ASB14: variants seen among roughly 807,000 people sequenced by gnomAD.
ASB14 encodes ankyrin repeat and SOCS box containing 14, also known as ankyrin repeat and SOCS box protein 14.
Under a neutral mutation model 55.6 loss-of-function variants are expected in ASB14, and 63 were observed. The observed-to-expected ratio is 1.13, with a 90% CI of 0.92 to 1.40. ASB14 has a LOEUF of 1.40. ASB14 is among the 40% of genes most tolerant of loss of function. ASB14 has a pLI of 0.00. For synonymous variants in ASB14, 256 were observed against 259.9 expected, an observed-to-expected ratio of 0.98 and a Z score of 0.15; for missense variants, 724 against 710.4, an observed-to-expected ratio of 1.02 and a Z score of -0.22.
intron 5 of ASB14, among the ~76,000 whole-genome samples, chr3:57,286,873 A>G (rs530966380): frequency 2.0e-5 from 3 of 152,306 alleles, no homozygotes; most frequent in Non-Finnish European, 2.9e-5. Context: ...CTCTTGGATC[A>G]TCCAACTAAT....
At chr3:57,283,846 AC>A (rs2061057887) in intron 5 of ASB14, among the ~76,000 whole-genome samples, 1 of 146,770 alleles carries the variant, frequency 6.8e-6, no homozygotes, top group Non-Finnish European at 1.5e-5. Flanking sequence ...TAAAAAAAAA[AC>A]AAAAACAAAA....
At chr3:57,273,456 G>A (rs1559518772) in intron 10 of ASB14, 1 of 152,554 alleles carries the variant, frequency 6.6e-6, no homozygotes, top group African/African-American at 2.4e-5. Context: ...TTTTTGTACA[G>A]TGTTTTTTAA....
At chr3:57,289,271 C>T (rs768404360) in intron 2 of ASB14, 148 bp from the exon 3 acceptor site, 2 of 608,870 alleles carry the variant, frequency 3.3e-6, no homozygotes, top group Non-Finnish European at 5.7e-6. Flanking sequence ...AATAGAAATA[C>T]TTCTATTTGT....
intron 10 of ASB14, among the ~76,000 whole-genome samples, chr3:57,273,714 G>C (rs2107618175): frequency 6.6e-6 from 1 of 152,224 alleles, no homozygotes; most frequent in East Asian, 1.9e-4. Flanking sequence ...ACGTATACTT[G>C]CTACTGTTTG....
At chr3:57,289,687 C>CTTT (rs34419265) in intron 2 of ASB14, among the ~76,000 whole-genome samples, 5,213 of 100,224 alleles carry the variant, frequency 0.052, 722 homozygotes, top group East Asian at 0.33. Context: ...ACCTTCCATT[C>CTTT]TTTTTTTTTT....
chr3:57,279,273 T>A lies in ASB14; in HGVS notation c.888-353A>T, dbSNP rs201811281. 4.3e-3 allele frequency among the ~76,000 whole-genome samples: 451 copies of A among 105,558 alleles called. 4 individuals carry two copies. The highest frequency in any genetic ancestry group is 0.03 in the East Asian group (44 of 1,446). The allele number at this position is 105,558 out of a possible 152,430, so 69.3% of individuals were successfully genotyped here. The stretch of plus-strand genomic sequence containing the variant: ...TTGGTCAAGAGTTTTTCTTTTTTTT[T>A]TTTTTTTTTTTTTTTTTTTGAGACG... On this transcript the variant is annotated intron_variant, in intron 7 of 10. Transcript: ENST00000487349.
In ASB14 at chr3:57,292,019, G is replaced by A; in HGVS notation, c.15C>T (p.Thr5=). ...AGTCTTCATCTATGTCTTCATCGCTGGTGTAATTATCCATGTGAAACGTGG... is the reference window on the plus strand; with the variant it reads ...AGTCTTCATCTATGTCTTCATCGCTAGTGTAATTATCCATGTGAAACGTGG... The part of the protein sequence containing the change: MDNY[T]SDEDIDEDFD... Residue 5 remains threonine, a synonymous_variant, in exon 2 of 11, where the codon ACC becomes ACT. Transcript: ENST00000487349. The A allele has an allele frequency of 2.0e-6, 3 of 1,533,132 alleles. No homozygotes were observed. The highest frequency in any genetic ancestry group is 2.4e-5 in the South Asian group (2 of 83,884). The allele number at this position is 1,533,132 out of a possible 1,614,324, so 95.0% of individuals were successfully genotyped here.
intron 5 of ASB14, among the ~76,000 whole-genome samples, chr3:57,286,055 T>G (rs539693352): frequency 6.6e-6 from 1 of 152,298 alleles, no homozygotes; most frequent in South Asian, 2.1e-4. Flanking sequence ...GATTTGAGAG[T>G]TGGAGCAAAT....
intron 7 of ASB14, among the ~76,000 whole-genome samples, chr3:57,279,930 G>T (rs2061025222): frequency 6.6e-6 from 1 of 152,010 alleles, no homozygotes; most frequent in African/African-American, 2.4e-5. Context: ...GGGGAACCGT[G>T]TTAATTACTC....
intron 10 of ASB14, among the ~76,000 whole-genome samples, chr3:57,275,713 CAT>C (rs1181022183): frequency 6.6e-6 from 1 of 152,104 alleles, no homozygotes; most frequent in Non-Finnish European, 1.5e-5. Flanking sequence ...ATTGTGCAAA[CAT>C]AGAATCACTT....
intron 6 of ASB14, among the ~76,000 whole-genome samples, chr3:57,281,631 TC>T (rs1239529836): frequency 6.6e-6 from 1 of 152,160 alleles, no homozygotes; most frequent in African/African-American, 2.4e-5. Context: ...ATGTGCTGGT[TC>T]CATTATGTGT....
At position 57,276,573 on chromosome 3, in the gene ASB14, C is replaced by G; in HGVS notation, c.1741G>C (p.Gly581Arg). The G allele has an allele frequency of 6.2e-7, 1 of 1,608,500 alleles. No individual in the cohort carries two copies. The highest frequency in any genetic ancestry group is 1.1e-5 in the South Asian group (1 of 89,352). The change falls in exon 10 of 11, where the codon GGA becomes CGA. Residue 581 changes from glycine to arginine, a missense_variant. Gly to Arg is a moderately radical substitution (Grantham distance 125, BLOSUM62 -2). Transcript: ENST00000487349. The part of the protein sequence containing the change: ...LYKEYDLYGQ[G>R]IFTGTW ...GATTACCAGGTTCCTGTAAAAATTC[C>G]TTGTCCATAAAGGTCGTATTCTTTG...
At chr3:57,275,883 CATT>C (rs2060981674) in intron 10 of ASB14, among the ~76,000 whole-genome samples, 1 of 152,072 alleles carries the variant, frequency 6.6e-6, no homozygotes, top group Non-Finnish European at 1.5e-5. Context: ...TAAAAATAAG[CATT>C]ATAATCTTTA....
At chr3:57,289,913 C>T (rs1014837904) in intron 2 of ASB14, among the ~76,000 whole-genome samples, 4 of 151,974 alleles carry the variant, frequency 2.6e-5, no homozygotes, top group Admixed American at 6.6e-5. Flanking sequence ...TCCCAAAGTG[C>T]GGGGATTACA....
Position 57,292,098 on chromosome 3 carries a change from A to G in ASB14, c.-65T>C, listed in dbSNP as rs2061137106. ...TAAAAGTATTTTTCCAGTTGTGAAG[A>G]GATCAACTGCTTAAAATTACAAATG... On this transcript the variant is annotated 5_prime_UTR_variant, in exon 2 of 11. Coordinates refer to ENST00000487349, the MANE Select transcript of ASB14 (RefSeq NM_001142733.3). The G allele has an allele frequency of 7.3e-7, 1 of 1,373,532 alleles. No homozygotes were observed. The highest frequency in any genetic ancestry group is 9.5e-7 in the Non-Finnish European group (1 of 1,052,756). 85.1% of individuals were successfully genotyped at this position (1,373,532 alleles called of 1,614,324 possible).
intron 5 of ASB14, 93 bp downstream of exon 5, chr3:57,287,805 GTGC>G: frequency 2.3e-6 from 3 of 1,293,244 alleles, no homozygotes; most frequent in South Asian, 1.5e-5. Flanking sequence ...CAGAGTGACA[GTGC>G]TGCAACTATG....
chr3:57,273,596 A>T (rs529340444), intron 10 of ASB14: 1 of 152,704 alleles, frequency 6.5e-6, no homozygotes, highest in African/African-American at 2.4e-5. Context: ...CAGCAGCTAA[A>T]ATGAAAAAAA....
chr3:57,277,849 A>T lies in ASB14; in HGVS notation c.1503T>A (p.Tyr501Ter), dbSNP rs1218410946. The T allele has an allele frequency of 1.2e-6, 2 of 1,613,658 alleles. No homozygotes were observed. The highest frequency in any genetic ancestry group is 1.7e-5 in the Admixed American group (1 of 60,024). The change falls in exon 9 of 11, where the codon TAT (tyrosine) becomes TAA (stop). Residue 501 changes from tyrosine to a stop codon, truncating the protein, a stop_gained. Coordinates refer to ENST00000487349, the MANE Select transcript of ASB14 (RefSeq NM_001142733.3). LOFTEE classifies it high-confidence loss of function. The stretch of plus-strand genomic sequence containing the variant: ...TTGAACAGATCCGAACTTGATCAAC[A>T]TAATCAAGCATCACTCGAACAACCT... ...SGKVVRVMLD[Y>*]VDQVRICSKL...
rs989949915 is a variant in ASB14, at chr3:57,288,309, C to T, written c.179-23G>A. 9 of 1,535,400 alleles carry T rather than the reference C, an allele frequency of 5.9e-6. No homozygotes were observed. The African/African-American group carries it at 1.1e-4, about 19-fold the overall frequency. On this transcript the variant is annotated intron_variant, in intron 3 of 10. Coordinates refer to ENST00000487349, the MANE Select transcript of ASB14 (RefSeq NM_001142733.3). ...TACCTATTAACGAGTCAAATGAGAA[C>T]AGATTCACATTTGGCACACTTACAA...
Sources: gnomAD v4.1 joint callset for allele counts (sites outside exome capture counted in the v4.1 genomes callset) on GRCh38, gnomAD v4.1.1 for gene constraint, MANE v1.5 for transcripts, NCBI Gene and HGNC (gene_info 2026-07-23, HGNC 2026-07-21) for gene names.